Variants in MANBA observed in about 807,000 individuals in gnomAD.
The protein encoded by MANBA is beta-mannosidase.
MANBA carries 83 observed loss-of-function variants against 111.1 expected under a neutral mutation model. The ratio of observed to expected loss-of-function variants is 0.75; its 90% confidence interval spans 0.63 to 0.90. The LOEUF is 0.90. Ranked by LOEUF, MANBA falls within the 40% of genes least tolerant of loss-of-function variation. The pLI is 0.00. For missense variants in MANBA, 1,036 were observed against 1,069.0 expected (o/e 0.97, Z 0.43); for synonymous variants, 370 against 378.7 (o/e 0.98, Z 0.27).
At position 102,754,838 on chromosome 4, in the gene MANBA, A is replaced by G. The variant is rs1380371494; in HGVS notation, c.177+5880T>C. ...CCAAAGTGCTGGAATTACAGGCGTG[A>G]GCCACTGTGCCTGCCCAAGAGTTGT... On this transcript the variant is annotated intron_variant, in intron 1 of 16. Transcript: ENST00000647097. Among the ~76,000 whole-genome samples the G allele has an allele frequency of 2.0e-5, 3 of 152,194 alleles. No individual in the cohort carries two copies. The East Asian group carries it at 5.8e-4, about 29-fold the overall frequency.
intron 5 of MANBA, among the ~76,000 whole-genome samples, chr4:102,693,998 A>T (rs1433413318): frequency 6.6e-6 from 1 of 152,228 alleles, no homozygotes; most frequent in East Asian, 1.9e-4. Flanking sequence ...CCAACGAAGC[A>T]GGCTCCTGTG....
At chr4:102,737,298 G>C (rs1723250266) in intron 1 of MANBA, among the ~76,000 whole-genome samples, 1 of 152,146 alleles carries the variant, frequency 6.6e-6, no homozygotes, top group Non-Finnish European at 1.5e-5. Flanking sequence ...GAGGGGTGAG[G>C]CCTGAGAGCC....
At chr4:102,652,530 G>C (rs1405895748) in intron 12 of MANBA, among the ~76,000 whole-genome samples, 1 of 151,760 alleles carries the variant, frequency 6.6e-6, no homozygotes, top group African/African-American at 2.4e-5. Context: ...GAAATGGCCA[G>C]GCAAAGTTCT....
At chr4:102,676,887 A>T (rs1322848105) in intron 7 of MANBA, among the ~76,000 whole-genome samples, 1 of 152,012 alleles carries the variant, frequency 6.6e-6, no homozygotes, top group Non-Finnish European at 1.5e-5. Flanking sequence ...AGTAGTCATT[A>T]CATCTTTCAC....
intron 7 of MANBA, among the ~76,000 whole-genome samples, chr4:102,680,127 C>T (rs1268853558): frequency 1.3e-5 from 2 of 152,168 alleles, no homozygotes; most frequent in Non-Finnish European, 2.9e-5. Flanking sequence ...GTTGTTTCTC[C>T]TGGCACTCTC....
At chr4:102,734,941 C>T (rs113151186) in intron 1 of MANBA, among the ~76,000 whole-genome samples, 4 of 152,340 alleles carry the variant, frequency 2.6e-5, no homozygotes, top group Admixed American at 1.3e-4. Context: ...CCTTGAGTCA[C>T]CCCCTCCTTG....
chr4:102,755,511 A>G (rs1165042193), intron 1 of MANBA, among the ~76,000 whole-genome samples: 3 of 152,236 alleles, frequency 2.0e-5, no homozygotes, highest in Non-Finnish European at 2.9e-5. Context: ...CTAAAACCAT[A>G]AAAACCCTAG....
intron 16 of MANBA, chr4:102,633,602 TAAG>T: frequency 5.1e-6 from 2 of 395,300 alleles, no homozygotes; most frequent in Non-Finnish European, 8.9e-6. Flanking sequence ...TTTATCTCTT[TAAG>T]AAGGACAAGT....
chr4:102,689,962 G>A (rs774449979), intron 6 of MANBA, among the ~76,000 whole-genome samples: 31 of 152,002 alleles, frequency 2.0e-4, no homozygotes, highest in Non-Finnish European at 2.6e-4. Context: ...CCCTAACACC[G>A]AGCTTACATT....
chr4:102,747,919 G>A (rs889551821), intron 1 of MANBA, among the ~76,000 whole-genome samples: 1 of 152,236 alleles, frequency 6.6e-6, no homozygotes, highest in Non-Finnish European at 1.5e-5. Flanking sequence ...ACAGAGACAA[G>A]TGACACCTGA....
intron 1 of MANBA, chr4:102,729,948 G>A: frequency 8.8e-7 from 1 of 1,131,656 alleles, no homozygotes; most frequent in Non-Finnish European, 1.3e-6. Flanking sequence ...CAGGTTAAGG[G>A]GGCTCAGCAG....
Position 102,646,627 on chromosome 4 carries a change from C to T in MANBA, c.1869+3910G>A, listed in dbSNP as rs528460034. ...GCTCTCTTAGTGGCCAATAAGAGGC[C>T]GTGCTGGTAGAGTAAGACACTCAAA... On this transcript the variant is annotated intron_variant, in intron 13 of 16. Transcript: ENST00000647097. Among the ~76,000 whole-genome samples, 9 of 152,140 alleles carry T rather than the reference C, an allele frequency of 5.9e-5. No individual in the cohort carries two copies. The South Asian group carries it at 1.0e-3, about 18-fold the overall frequency.
At chr4:102,699,873 A>C (rs1185580693) in intron 5 of MANBA, among the ~76,000 whole-genome samples, 1 of 150,768 alleles carries the variant, frequency 6.6e-6, no homozygotes, top group Non-Finnish European at 1.5e-5. Context: ...CTGGCCTCAT[A>C]AAATGAGTTA....
At chr4:102,730,805 A>G (rs223498) in intron 1 of MANBA, 1 of 425,600 alleles carries the variant, frequency 2.3e-6, no homozygotes. Context: ...ATTTCCTTAT[A>G]CTTTGTCCTC....
chr4:102,749,506 C>T (rs892083702), intron 1 of MANBA, among the ~76,000 whole-genome samples: 4 of 152,184 alleles, frequency 2.6e-5, no homozygotes, highest in Non-Finnish European at 5.9e-5. Context: ...ATATTGTACT[C>T]ATGTCTCTAT....
At chr4:102,649,717 T>C (rs1312105900) in intron 13 of MANBA, among the ~76,000 whole-genome samples, 1 of 152,184 alleles carries the variant, frequency 6.6e-6, no homozygotes, top group African/African-American at 2.4e-5. Context: ...TGGTGTTTTT[T>C]ATACTTAATG....
intron 13 of MANBA, among the ~76,000 whole-genome samples, chr4:102,646,748 G>A (rs1403818004): frequency 6.6e-6 from 1 of 152,062 alleles, no homozygotes; most frequent in Non-Finnish European, 1.5e-5. Flanking sequence ...ATGTATATGG[G>A]CTATTGGGAA....
chr4:102,715,080 T>G (rs1242975650), intron 4 of MANBA, among the ~76,000 whole-genome samples: 1 of 152,220 alleles, frequency 6.6e-6, no homozygotes, highest in Non-Finnish European at 1.5e-5. Flanking sequence ...TGGCCCACAA[T>G]GATCCCCCCT....
chr4:102,673,005 A>C (rs747520343), intron 8 of MANBA, among the ~76,000 whole-genome samples: 1 of 150,134 alleles, frequency 6.7e-6, no homozygotes, highest in Non-Finnish European at 1.5e-5. Context: ...GAATCCTATA[A>C]ATAGCACAAT....
Sources: allele counts gnomAD v4.1 joint callset (sites outside exome capture counted in the v4.1 genomes callset), GRCh38; gene constraint gnomAD v4.1.1; transcripts MANE v1.5; gene names NCBI Gene and HGNC (gene_info 2026-07-23, HGNC 2026-07-21).